Variants in GAN observed in about 807,000 individuals in gnomAD.
GAN encodes gigaxonin.
Under a neutral mutation model 71.3 loss-of-function variants are expected in GAN, and 48 were observed. That is an observed-to-expected ratio of 0.67 (90% CI 0.53 to 0.86). The LOEUF (loss-of-function observed/expected upper bound fraction) is 0.86. Ranked by LOEUF, GAN falls within the 40% of genes least tolerant of loss-of-function variation. The probability of loss-of-function intolerance (pLI) is 0.00; values close to 1 mark genes in which losing one functional copy is unlikely to be tolerated. For synonymous variants in GAN, 386 were observed against 276.8 expected (o/e 1.39, Z -3.92); for missense variants, 928 against 770.1 (o/e 1.21, Z -2.43).
rs183926788 is a variant in GAN at position 81,365,271 on chromosome 16, A to T, written c.1374-79A>T. ...CCCACGTAGTAATGCTGCAGAGTTA[A>T]ACCAGCATAAGAGGAACGCGGGAGT... On this transcript the variant is annotated intron_variant, in intron 8 of 10. Transcript: ENST00000648994. The T allele has an allele frequency of 8.2e-6, 13 of 1,592,854 alleles. No homozygotes were observed. In the Admixed American group the frequency reaches 1.2e-4, roughly 14 times the overall value.
At chr16:81,356,148 C>T (rs1323808099) in intron 3 of GAN, among the ~76,000 whole-genome samples, 1 of 152,188 alleles carries the variant, frequency 6.6e-6, no homozygotes, top group East Asian at 1.9e-4. Flanking sequence ...AAACTTCATG[C>T]TGTAAAGACA....
In GAN at chr16:81,356,982, T is replaced by C. The variant is rs1337406075; in HGVS notation, c.831T>C (p.Thr277=). Reference sequence around the variant, plus strand: ...GGGGCTACTCTGAGTGCATCGTGACTGTTGGTGGAGAAGAGAGAGTGTAAG... The same window carrying C: ...GGGGCTACTCTGAGTGCATCGTGACCGTTGGTGGAGAAGAGAGAGTGTAAG... ...KPRGYSECIV[T]VGGEERVSRK... The change falls in exon 4 of 11, where the codon ACT becomes ACC. Residue 277 remains threonine (T), a synonymous_variant. Coordinates refer to ENST00000648994, the MANE Select transcript of GAN (RefSeq NM_022041.4). 1 of 1,607,830 alleles carries C rather than the reference T, an allele frequency of 6.2e-7. No individual in the cohort carries two copies. The highest frequency in any genetic ancestry group is 8.5e-7 in the Non-Finnish European group (1 of 1,175,108).
chr16:81,340,883 G>A lies in GAN; in HGVS notation c.168-10700G>A, dbSNP rs761792893. ...ATGTTTTAACCCATCGCAAGGAATC[G>A]AAAAGCGTTCAAAAAGGGTTAGACA... On this transcript the variant is annotated intron_variant, in intron 1 of 10. Transcript: ENST00000648994. Among the ~76,000 whole-genome samples, 12 of 151,858 alleles carry A rather than the reference G, an allele frequency of 7.9e-5. No individual in the cohort carries two copies. The East Asian group carries it at 1.9e-3, about 25-fold the overall frequency.
chr16:81,362,855 C>T (rs1168375136), intron 6 of GAN, among the ~76,000 whole-genome samples: 1 of 152,200 alleles, frequency 6.6e-6, no homozygotes, highest in Non-Finnish European at 1.5e-5. Flanking sequence ...TTATCCTGCC[C>T]TGTGCAGATG....
intron 9 of GAN, 40 bp from the exon 10 acceptor site, chr16:81,377,179 T>G: frequency 8.4e-7 from 1 of 1,194,708 alleles, no homozygotes; most frequent in Non-Finnish European, 1.3e-6. Context: ...GTTGTCATCC[T>G]TTTGATTTCC....
chr16:81,357,149 A>C (rs1035180725), intron 4 of GAN, 147 bp downstream of exon 4: 30 of 688,354 alleles, frequency 4.4e-5, no homozygotes, highest in Non-Finnish European at 1.1e-5. Flanking sequence ...GTACATGTGC[A>C]CAATGTGCAG....
intron 1 of GAN, among the ~76,000 whole-genome samples, chr16:81,346,213 T>C (rs1388614031): frequency 6.6e-6 from 1 of 152,140 alleles, no homozygotes; most frequent in Non-Finnish European, 1.5e-5. Context: ...AGCAGGAGAT[T>C]GGAGTAATGA....
intron 1 of GAN, among the ~76,000 whole-genome samples, chr16:81,349,117 G>A (rs745515146): frequency 1.6e-4 from 24 of 152,180 alleles, no homozygotes; most frequent in Non-Finnish European, 2.6e-4. Flanking sequence ...CACATGGAAG[G>A]AGAATCCGGA....
chr16:81,373,123 G>A (rs1055977616), intron 9 of GAN, among the ~76,000 whole-genome samples: 2 of 152,168 alleles, frequency 1.3e-5, no homozygotes, highest in Non-Finnish European at 2.9e-5. Flanking sequence ...TCTAGGAAGA[G>A]TATTCATTGA....
intron 1 of GAN, among the ~76,000 whole-genome samples, chr16:81,338,341 G>T (rs1909833885): frequency 6.6e-6 from 1 of 152,136 alleles, no homozygotes; most frequent in Admixed American, 6.6e-5. Context: ...GCCTCCTGAG[G>T]TGGGGACAGA....
chr16:81,366,582 G>A (rs958562047), intron 9 of GAN, among the ~76,000 whole-genome samples: 61 of 152,326 alleles, frequency 4.0e-4, no homozygotes, highest in Admixed American at 6.5e-5. Context: ...ATGAGGGCAC[G>A]CAGTGAGCAG....
intron 2 of GAN, among the ~76,000 whole-genome samples, chr16:81,352,854 C>T (rs1910345064): frequency 6.6e-6 from 1 of 152,310 alleles, no homozygotes; most frequent in East Asian, 1.9e-4. Context: ...ACCTCTCCTC[C>T]ACCTTGTAAA....
rs758165600 is a variant in GAN, at chr16:81,377,502, G to A, written c.1700G>A (p.Arg567His). Residue 567 changes from arginine to histidine, a missense_variant, in exon 11 of 11, where the codon CGT (arginine) becomes CAT (histidine). Transcript: ENST00000648994. ...TKPLLPSDLR[R>H]TGCAALRIAN... Reference sequence around the variant, plus strand: ...CCACTCCTTCCATCCGACCTTCGCCGTACAGGATGTGCAGCCTTACGCATT... The same window carrying A: ...CCACTCCTTCCATCCGACCTTCGCCATACAGGATGTGCAGCCTTACGCATT... The A allele has an allele frequency of 4.3e-6, 7 of 1,613,884 alleles. No individual in the cohort carries two copies. Among genetic ancestry groups the A allele is most frequent in the South Asian group, 1.1e-5 (1 of 91,088 alleles).
Position 81,386,612 on chromosome 16 carries a change from A to T in GAN, c.*9016A>T, listed in dbSNP as rs1904409279. ...GTGCTCAGCTTGTCTTGATTTCAATAAGACATTTGATAAAGTCATTCTTGA... is the reference window on the plus strand; with the variant it reads ...GTGCTCAGCTTGTCTTGATTTCAATTAGACATTTGATAAAGTCATTCTTGA... On this transcript the variant is annotated 3_prime_UTR_variant, in exon 11 of 11. Transcript: ENST00000648994. 6.6e-6 allele frequency: 1 copy of T among 152,272 alleles called. No individual in the cohort carries two copies. The highest frequency in any genetic ancestry group is 2.4e-5 in the African/African-American group (1 of 41,478). The allele number at this position is 152,272 out of a possible 1,614,324, so 9.4% of individuals were successfully genotyped here.
chr16:81,348,293 G>A (rs1910187123), intron 1 of GAN, among the ~76,000 whole-genome samples: 2 of 151,788 alleles, frequency 1.3e-5, no homozygotes, highest in Non-Finnish European at 2.9e-5. Flanking sequence ...TCGTACTCTT[G>A]TTTTATGTAC....
intron 1 of GAN, among the ~76,000 whole-genome samples, chr16:81,341,873 T>C (rs1323474092): frequency 6.6e-6 from 1 of 152,214 alleles, no homozygotes; most frequent in East Asian, 1.9e-4. Context: ...ATCAGTGTGC[T>C]GTGTTCAGGA....
At chr16:81,333,481 T>C (rs1909655819) in intron 1 of GAN, among the ~76,000 whole-genome samples, 1 of 152,276 alleles carries the variant, frequency 6.6e-6, no homozygotes, top group South Asian at 2.1e-4. Flanking sequence ...GTTTACTAGT[T>C]AGGGACAACT....
chr16:81,349,918 G>C (rs1006290051), intron 1 of GAN, among the ~76,000 whole-genome samples: 4 of 152,086 alleles, frequency 2.6e-5, no homozygotes, highest in Non-Finnish European at 5.9e-5. Context: ...CATACCAAGA[G>C]CATGTTTCAA....
chr16:81,331,897 T>C (rs1164625630), intron 1 of GAN, among the ~76,000 whole-genome samples: 1 of 152,056 alleles, frequency 6.6e-6, no homozygotes, highest in Non-Finnish European at 1.5e-5. Context: ...GCGTGGTGGC[T>C]CATGCCTGTA....
Sources: allele counts gnomAD v4.1 joint callset (sites outside exome capture counted in the v4.1 genomes callset), GRCh38; gene constraint gnomAD v4.1.1; transcripts MANE v1.5; gene names NCBI Gene and HGNC (gene_info 2026-07-23, HGNC 2026-07-21).